The following PHLDB2 variants were observed in gnomAD, a reference collection of about 807,000 sequenced individuals.
PHLDB2 encodes pleckstrin homology-like domain family B member 2.
A neutral mutation model predicts 123.6 loss-of-function variants in PHLDB2; 71 were observed. The ratio of observed to expected loss-of-function variants is 0.57; its 90% confidence interval spans 0.47 to 0.70. PHLDB2 has a LOEUF of 0.70. Ranked by LOEUF, PHLDB2 falls within the 30% of genes least tolerant of loss-of-function variation. The pLI, the probability that PHLDB2 is intolerant of heterozygous loss-of-function variation, is 0.00. For synonymous variants in PHLDB2, 547 were observed against 541.6 expected, an observed-to-expected ratio of 1.01 and a Z score of -0.14; for missense variants, 1,446 against 1,519.5, an observed-to-expected ratio of 0.95 and a Z score of 0.80.
intron 8 of PHLDB2, among the ~76,000 whole-genome samples, chr3:111,941,949 C>G (rs1410763571): frequency 1.3e-5 from 2 of 152,190 alleles, no homozygotes; most frequent in South Asian, 4.1e-4. Flanking sequence ...TTTCCCACCT[C>G]GAAGTCTCTG....
intron 7 of PHLDB2, among the ~76,000 whole-genome samples, chr3:111,940,333 G>A (rs1223664501): frequency 6.6e-6 from 1 of 152,114 alleles, no homozygotes; most frequent in Non-Finnish European, 1.5e-5. Flanking sequence ...ATCTATATTA[G>A]CCTTCAGTAA....
In PHLDB2 at chr3:111,975,376, C is replaced by G. The variant is rs892544375; in HGVS notation, c.*813C>G. The G allele has an allele frequency of 1.1e-4, 17 of 152,264 alleles. No homozygotes were observed. The highest frequency in any genetic ancestry group is 4.1e-4 in the African/African-American group (17 of 41,558). 9.4% of individuals were successfully genotyped at this position (152,264 alleles called of 1,614,324 possible). A position where few individuals can be genotyped will look rare whatever the true frequency, so the allele number is the denominator to read the frequency against. ...GAACAATTTTAAATAAAGAGAATATCTGGTGTTAGGAGCTTGTTTTGCTGA... is the reference window on the plus strand; with the variant it reads ...GAACAATTTTAAATAAAGAGAATATGTGGTGTTAGGAGCTTGTTTTGCTGA... On this transcript the variant is annotated 3_prime_UTR_variant, in exon 18 of 18. Transcript: ENST00000431670.
At chr3:111,960,529 G>A (rs915955150) in intron 12 of PHLDB2, among the ~76,000 whole-genome samples, 1 of 152,164 alleles carries the variant, frequency 6.6e-6, no homozygotes, top group African/African-American at 2.4e-5. Context: ...CCATTTTACA[G>A]AAATTTTGAC....
Position 111,804,718 on chromosome 3 carries a change from T to G in PHLDB2, c.-48-41103T>G, listed in dbSNP as rs76720899. On this transcript the variant is annotated intron_variant, in intron 1 of 17. Transcript: ENST00000393923. ...CAGCTAATACTTACCATTGAAATTT[T>G]GGGGGGAAAACTTTGCTAAACTGCA... Among the ~76,000 whole-genome samples, 1,710 of 152,318 alleles carry G rather than the reference T, an allele frequency of 0.011. 58 individuals are homozygous for G. In the East Asian group the frequency reaches 0.12, roughly 10 times the overall value.
intron 1 of PHLDB2, among the ~76,000 whole-genome samples, chr3:111,791,889 C>T (rs905126462): frequency 6.6e-6 from 1 of 152,098 alleles, no homozygotes; most frequent in South Asian, 2.1e-4. Context: ...CTATAGTCAC[C>T]CTACTGTGTT....
At chr3:111,890,383 T>G (rs1478444348) in intron 2 of PHLDB2, among the ~76,000 whole-genome samples, 1 of 152,240 alleles carries the variant, frequency 6.6e-6, no homozygotes, top group Non-Finnish European at 1.5e-5. Flanking sequence ...CAAGAAAAGA[T>G]GTGTCTGGGC....
In PHLDB2 at chr3:111,924,773, C is replaced by T. The variant is rs141735961; in HGVS notation, c.2001+4354C>T. Among the ~76,000 whole-genome samples the T allele has an allele frequency of 4.6e-3, 693 of 152,278 alleles. 5 individuals carry two copies. Among genetic ancestry groups the T allele is most frequent in the African/African-American group, 0.016 (660 of 41,552 alleles). The stretch of plus-strand genomic sequence containing the variant: ...GGCTCTAGAATTTTGGAGACAAGGC[C>T]GGAGCCATAGGAAAAAGGTTTAATA... On this transcript the variant is annotated intron_variant, in intron 5 of 17. Transcript: ENST00000431670.
At chr3:111,923,144 A>G (rs1319883292) in intron 5 of PHLDB2, among the ~76,000 whole-genome samples, 1 of 151,998 alleles carries the variant, frequency 6.6e-6, no homozygotes, top group Non-Finnish European at 1.5e-5. Flanking sequence ...TTCATTTTCC[A>G]ATTAAACATT....
At chr3:111,838,239 A>G (rs1014249091) in intron 1 of PHLDB2, among the ~76,000 whole-genome samples, 1 of 152,092 alleles carries the variant, frequency 6.6e-6, no homozygotes, top group African/African-American at 2.4e-5. Context: ...GGGCTCAAGC[A>G]GTCTTCCCGC....
intron 1 of PHLDB2, among the ~76,000 whole-genome samples, chr3:111,755,709 G>A (rs2059876207): frequency 8.4e-6 from 1 of 119,606 alleles, no homozygotes; most frequent in African/African-American, 4.1e-5. Flanking sequence ...GAATGTGTTT[G>A]CTCTTGCTTT....
intron 1 of PHLDB2, among the ~76,000 whole-genome samples, chr3:111,785,070 C>T (rs1215545766): frequency 6.6e-6 from 1 of 152,084 alleles, no homozygotes; most frequent in Admixed American, 6.6e-5. Flanking sequence ...GTTCCATCAG[C>T]TGTGTGTGAG....
intron 1 of PHLDB2, among the ~76,000 whole-genome samples, chr3:111,794,181 T>A (rs2061047751): frequency 6.6e-6 from 1 of 152,106 alleles, no homozygotes; most frequent in Admixed American, 6.5e-5. Context: ...GTCGCTGGGA[T>A]GCATGATTCC....
At chr3:111,855,344 A>G (rs2064434990), upstream of PHLDB2, among the ~76,000 whole-genome samples, 3 of 152,114 alleles carry the variant, frequency 2.0e-5, no homozygotes, top group Non-Finnish European at 4.4e-5. Context: ...GTCTGTGATT[A>G]AACAGAAAAC....
intron 12 of PHLDB2, among the ~76,000 whole-genome samples, chr3:111,959,653 C>T (rs189572496): frequency 2.6e-5 from 4 of 152,288 alleles, no homozygotes; most frequent in Admixed American, 2.6e-4. Flanking sequence ...CCTGAAACAT[C>T]TGAGTCATTT....
intron 2 of PHLDB2, among the ~76,000 whole-genome samples, chr3:111,886,258 T>C (rs2066156879): frequency 6.6e-6 from 1 of 152,214 alleles, no homozygotes; most frequent in South Asian, 2.1e-4. Flanking sequence ...ATTATCAGTG[T>C]TTTAGTCGCT....
chr3:111,853,958 T>C (rs933419612), intron 2 of PHLDB2, among the ~76,000 whole-genome samples: 3 of 152,204 alleles, frequency 2.0e-5, no homozygotes, highest in Non-Finnish European at 1.5e-5. Flanking sequence ...TACTTGGCTA[T>C]TGTATTAGTC....
intron 2 of PHLDB2, among the ~76,000 whole-genome samples, chr3:111,905,978 C>T (rs1433726664): frequency 3.9e-5 from 6 of 152,118 alleles, no homozygotes; most frequent in African/African-American, 1.2e-4. Context: ...TTTTGGTCAA[C>T]GATGGACCAC....
At chr3:111,767,197 A>G (rs2060098817) in intron 1 of PHLDB2, among the ~76,000 whole-genome samples, 1 of 152,118 alleles carries the variant, frequency 6.6e-6, no homozygotes, top group Admixed American at 6.5e-5. Flanking sequence ...GGTGTCTCTG[A>G]TTTGAGACAG....
chr3:111,780,412 A>AAGGAGAAGGAGAAGAAGAAGAAGAAGAAG (rs1326616017), intron 1 of PHLDB2, among the ~76,000 whole-genome samples: 1 of 116,680 alleles, frequency 8.6e-6, no homozygotes, highest in Admixed American at 8.5e-5. Context: ...AGAAGAAGAA[A>AAGGAGAAGGAGAAGAAGAAGAAGAAGAAG]AAGATTAGTT....
Sources: gnomAD v4.1 joint callset for allele counts (sites outside exome capture counted in the v4.1 genomes callset) on GRCh38, gnomAD v4.1.1 for gene constraint, MANE v1.5 for transcripts, NCBI Gene and HGNC (gene_info 2026-07-23, HGNC 2026-07-21) for gene names.